SATB2: variants seen among roughly 807,000 people sequenced by gnomAD.
The protein encoded by SATB2 is SATB homeobox 2.
SATB2 carries 1 observed loss-of-function variant against 73.4 expected under a neutral mutation model. That is an observed-to-expected ratio of 0.01 (90% CI 0.00 to 0.06). SATB2 has a LOEUF of 0.06. SATB2 is among the 10% of genes least tolerant of loss of function. The pLI, the probability that SATB2 is intolerant of heterozygous loss-of-function variation, is 1.00. For missense variants in SATB2, 459 were observed against 945.8 expected (o/e 0.49, Z 6.75); for synonymous variants, 397 against 367.0 (o/e 1.08, Z -0.93).
At chr2:199,300,848 C>T (rs1015716850) in intron 10 of SATB2, among the ~76,000 whole-genome samples, 10 of 152,026 alleles carry the variant, frequency 6.6e-5, no homozygotes, top group African/African-American at 1.7e-4. Context: ...AAAGACTGAG[C>T]GAAGTGGAAC....
intron 6 of SATB2, among the ~76,000 whole-genome samples, chr2:199,350,730 A>C (rs1230431572): frequency 6.6e-6 from 1 of 152,118 alleles, no homozygotes; most frequent in Non-Finnish European, 1.5e-5. Context: ...CTTTTTAAAG[A>C]AACTCAGTTA....
At chr2:199,407,144 A>C (rs973293979) in intron 3 of SATB2, among the ~76,000 whole-genome samples, 4 of 151,914 alleles carry the variant, frequency 2.6e-5, no homozygotes, top group Non-Finnish European at 5.9e-5. Flanking sequence ...AACATGGTGA[A>C]ACCTCATCTC....
chr2:199,382,286 C>A (rs1014817620), intron 3 of SATB2, among the ~76,000 whole-genome samples: 2 of 152,130 alleles, frequency 1.3e-5, no homozygotes, highest in African/African-American at 4.8e-5. Context: ...ATTCCCAGTG[C>A]GAACAGCATT....
chr2:199,390,516 T>TA (rs1430882244), intron 3 of SATB2, among the ~76,000 whole-genome samples: 1 of 152,180 alleles, frequency 6.6e-6, no homozygotes, highest in Non-Finnish European at 1.5e-5. Context: ...TACATTTGCA[T>TA]AAAGAGATTT....
intron 6 of SATB2, among the ~76,000 whole-genome samples, chr2:199,358,985 A>G (rs1251759068): frequency 3.9e-5 from 6 of 152,176 alleles, no homozygotes; most frequent in African/African-American, 1.2e-4. Flanking sequence ...AACTGCTTAT[A>G]TCTAATAATA....
upstream of SATB2, among the ~76,000 whole-genome samples, chr2:199,461,117 A>T (rs1020009198): frequency 6.6e-6 from 1 of 152,232 alleles, no homozygotes; most frequent in Non-Finnish European, 1.5e-5. Flanking sequence ...ATGTTTGTAG[A>T]GTTGTATTTC....
chr2:199,386,508 C>A (rs909817583), intron 3 of SATB2, among the ~76,000 whole-genome samples: 2 of 152,084 alleles, frequency 1.3e-5, no homozygotes, highest in African/African-American at 4.8e-5. Flanking sequence ...GACAAAGAAG[C>A]AAGAACAAGT....
rs2105773237 is a variant in SATB2 at position 199,311,617 on chromosome 2, T to C, written c.1543-2660A>G. Among the ~76,000 whole-genome samples the C allele has an allele frequency of 1.3e-5, 2 of 152,316 alleles. 1 individual carries two copies. The highest frequency in any genetic ancestry group is 6.8e-3 in the Middle Eastern group (2 of 294). On this transcript the variant is annotated intron_variant, in intron 9 of 10. Coordinates refer to ENST00000417098, the MANE Select transcript of SATB2 (RefSeq NM_001172509.2). ...TTCCCTCCTACGGGCGCTCCTGTGA[T>C]GCCATATATAGGTATTTATTTTGTA...
chr2:199,373,817 C>T (rs186704317), intron 5 of SATB2, among the ~76,000 whole-genome samples: 16 of 152,280 alleles, frequency 1.1e-4, no homozygotes, highest in Non-Finnish European at 2.4e-4. Flanking sequence ...CTAAAATAAC[C>T]TCACATGAAA....
At chr2:199,325,095 T>C (rs988076418) in intron 8 of SATB2, among the ~76,000 whole-genome samples, 1 of 152,164 alleles carries the variant, frequency 6.6e-6, no homozygotes. Flanking sequence ...TACGTTTCCA[T>C]AAAGGCTTTG....
At chr2:199,343,134 AC>A (rs1269908937) in intron 7 of SATB2, among the ~76,000 whole-genome samples, 1 of 151,902 alleles carries the variant, frequency 6.6e-6, no homozygotes. Flanking sequence ...ACACACACAC[AC>A]ACATACACGA....
upstream of SATB2, among the ~76,000 whole-genome samples, chr2:199,462,920 C>T (rs1054566261): frequency 2.6e-5 from 4 of 152,214 alleles, no homozygotes; most frequent in Admixed American, 2.0e-4. The surrounding 1 kb of genome is among the most constrained non-coding windows in gnomAD (Gnocchi z 5.9). Context: ...TTGCCAAGGT[C>T]GGCCCAGGAG....
chr2:199,450,960 AAAG>A (rs1692105428), intron 2 of SATB2, among the ~76,000 whole-genome samples: 1 of 152,122 alleles, frequency 6.6e-6, no homozygotes, highest in African/African-American at 2.4e-5. Context: ...TCAAGAAAGA[AAAG>A]AAGAATTCAA....
chr2:199,364,889 C>T (rs888104560), intron 6 of SATB2, among the ~76,000 whole-genome samples: 1 of 151,906 alleles, frequency 6.6e-6, no homozygotes, highest in Non-Finnish European at 1.5e-5. Context: ...ATTATATCCC[C>T]CCAAAAGTAG....
chr2:199,323,974 G>C lies in SATB2; in HGVS notation c.1387-16C>G. ...AGGTTTTGGCCTACCAAGAGACCAT[G>C]AAAATAATAATTTAAAAAGTGCTGC... On this transcript the variant is annotated splice_polypyrimidine_tract_variant and intron_variant, in intron 8 of 10. Coordinates refer to ENST00000417098, the MANE Select transcript of SATB2 (RefSeq NM_001172509.2). The C allele has an allele frequency of 6.2e-7, 1 of 1,613,170 alleles. No individual in the cohort carries two copies. The highest frequency in any genetic ancestry group is 2.2e-5 in the East Asian group (1 of 44,860).
chr2:199,421,345 T>C (rs566041805), intron 3 of SATB2, among the ~76,000 whole-genome samples: 2 of 152,090 alleles, frequency 1.3e-5, no homozygotes, highest in South Asian at 4.1e-4. Flanking sequence ...ACAAAAAGGA[T>C]TACAACCCAT....
At chr2:199,368,447 G>A (rs1364212632) in intron 6 of SATB2, among the ~76,000 whole-genome samples, 158 bp downstream of exon 6, 2 of 151,890 alleles carry the variant, frequency 1.3e-5, no homozygotes, top group Non-Finnish European at 2.9e-5. Flanking sequence ...TAGTTTTAAG[G>A]GAGCCAACTA....
chr2:199,392,905 G>C (rs893715314), intron 3 of SATB2, among the ~76,000 whole-genome samples: 1 of 152,106 alleles, frequency 6.6e-6, no homozygotes, highest in African/African-American at 2.4e-5. Flanking sequence ...ACATTTTTTA[G>C]GATGTTTTTA....
At chr2:199,435,036 C>T (rs936755672) in intron 2 of SATB2, among the ~76,000 whole-genome samples, 1 of 152,066 alleles carries the variant, frequency 6.6e-6, no homozygotes, top group African/African-American at 2.4e-5. Context: ...ATTATTAAGA[C>T]TGCACAACAG....
Sources: allele counts gnomAD v4.1 joint callset (sites outside exome capture counted in the v4.1 genomes callset), GRCh38; gene constraint gnomAD v4.1.1; non-coding constraint Gnocchi (gnomAD v3.1); transcripts MANE v1.5; gene names NCBI Gene and HGNC (gene_info 2026-07-23, HGNC 2026-07-21).